The following TTYH2 variants were observed in gnomAD, a reference collection of about 807,000 sequenced individuals.
TTYH2 encodes the protein protein tweety homolog 2.
In TTYH2, 49 loss-of-function variants were observed where a neutral mutation model predicts 68.3. The observed-to-expected ratio is 0.72, with a 90% confidence interval of 0.57 to 0.91. TTYH2 has a LOEUF of 0.91. TTYH2 is among the 40% of genes least tolerant of loss of function. TTYH2 has a pLI of 0.00. For synonymous variants in TTYH2, 272 were observed against 300.8 expected (o/e 0.90, Z 0.99); for missense variants, 631 against 700.4 (o/e 0.90, Z 1.12).
chr17:74,230,994 G>A lies in TTYH2; in HGVS notation c.409G>A (p.Ala137Thr). 6.2e-7 allele frequency: 1 copy of A among 1,613,784 alleles called. No individual in the cohort carries two copies. Among genetic ancestry groups the A allele is most frequent in the Middle Eastern group, 1.7e-4 (1 of 5,978 alleles). Reference sequence around the variant, plus strand: ...CAACCACACCTTCTCTGGGATCGATGCTCTGGTAAGGCTCCCGGGCAGCTG... The same window carrying A: ...CAACCACACCTTCTCTGGGATCGATACTCTGGTAAGGCTCCCGGGCAGCTG... ...DANHTFSGID[A>T]LVSGTTQKMK... is the part of the protein sequence containing the mutation. The change falls in exon 3 of 14, where the codon GCT (alanine) becomes ACT (threonine). Residue 137 changes from alanine (A) to threonine (T), a missense_variant. By Grantham distance (58) the Ala-to-Thr change is moderately conservative. Transcript: ENST00000269346.
At chr17:74,254,305 C>T (rs4789643) in intron 13 of TTYH2, among the ~76,000 whole-genome samples, 63,162 of 151,758 alleles carry the variant, frequency 0.42, 13,810 homozygotes, top group African/African-American at 0.53. Context: ...GTAGGTGGGA[C>T]TACAGGTGCG....
chr17:74,243,285 T>C (rs939419165), intron 4 of TTYH2, 89 bp from the exon 5 acceptor site: 2 of 1,087,238 alleles, frequency 1.8e-6, no homozygotes, highest in Non-Finnish European at 2.8e-6. Context: ...GTCCAGTGTG[T>C]CCCAGGGCTG....
At chr17:74,238,541 G>A (rs887610261) in intron 4 of TTYH2, among the ~76,000 whole-genome samples, 2 of 152,090 alleles carry the variant, frequency 1.3e-5, no homozygotes, top group African/African-American at 4.8e-5. Flanking sequence ...TGGGACTACA[G>A]GCATACAACC....
At chr17:74,246,962 C>A (rs571839323) in intron 6 of TTYH2, among the ~76,000 whole-genome samples, 3 of 152,166 alleles carry the variant, frequency 2.0e-5, no homozygotes, top group Admixed American at 6.5e-5. Flanking sequence ...GCAGGGGGAT[C>A]ACCTGAGGTC....
Position 74,232,560 on chromosome 17 carries a change from G to A in TTYH2, c.414+1561G>A, listed in dbSNP as rs2050400878. Among the ~76,000 whole-genome samples the A allele has an allele frequency of 6.6e-6, 1 of 152,168 alleles. No homozygotes were observed. Among genetic ancestry groups the A allele is most frequent in the Non-Finnish European group, 1.5e-5 (1 of 68,016 alleles). ...GAGGCAGAGGTGTGGCCTGCCTGGG[G>A]AGAACTCTCCCTCTGGGCACCCACC... On this transcript the variant is annotated intron_variant, in intron 3 of 13. Coordinates refer to ENST00000269346, the MANE Select transcript of TTYH2 (RefSeq NM_032646.6). This position sits in a 1 kb window ranked among gnomAD's most constrained non-coding sequence, Gnocchi z 5.1.
At position 74,232,403 on chromosome 17, in the gene TTYH2, C is replaced by T. The variant is rs904007768; in HGVS notation, c.414+1404C>T. 1.1e-4 allele frequency among the ~76,000 whole-genome samples: 17 copies of T among 152,206 alleles called. No homozygotes were observed. Among genetic ancestry groups the T allele is most frequent in the African/African-American group, 3.6e-4 (15 of 41,464 alleles). Reference sequence around the variant, plus strand: ...CCTTTGCAGAGTTCATTCCACCGCCCGTGTCCACTGGGACCCATCCCCTTA... The same window carrying T: ...CCTTTGCAGAGTTCATTCCACCGCCTGTGTCCACTGGGACCCATCCCCTTA... On this transcript the variant is annotated intron_variant, in intron 3 of 13. Transcript: ENST00000269346. This position sits in a 1 kb window ranked among gnomAD's most constrained non-coding sequence, Gnocchi z 5.1.
rs767077574 is a variant in TTYH2 at position 74,230,895 on chromosome 17, G to A, written c.310G>A (p.Val104Met). The change falls in exon 3 of 14, where the codon GTG becomes ATG. Residue 104 changes from valine to methionine, a missense_variant. Physicochemically the swap from Val to Met is conservative, Grantham distance 21. Coordinates refer to ENST00000269346, the MANE Select transcript of TTYH2 (RefSeq NM_032646.6). ...VVAGLICCAA[V>M]GVGFYGNSET... ...TTGGGATCTTGCTTATAGTGCTGCG[G>A]TGGGCGTTGGTTTCTATGGAAACAG... is the stretch of plus-strand genomic sequence containing the variant. 1 of 1,614,112 alleles carries A rather than the reference G, an allele frequency of 6.2e-7. No homozygotes were observed. The highest frequency in any genetic ancestry group is 1.7e-5 in the Admixed American group (1 of 60,018).
In TTYH2 at chr17:74,232,529, G is replaced by A. The variant is rs932803654; in HGVS notation, c.414+1530G>A. 3.3e-5 allele frequency among the ~76,000 whole-genome samples: 5 copies of A among 152,320 alleles called. No homozygotes were observed. Among genetic ancestry groups the A allele is most frequent in the African/African-American group, 1.2e-4 (5 of 41,580 alleles). On this transcript the variant is annotated intron_variant, in intron 3 of 13. Coordinates refer to ENST00000269346, the MANE Select transcript of TTYH2 (RefSeq NM_032646.6). This position sits in a 1 kb window ranked among gnomAD's most constrained non-coding sequence, Gnocchi z 5.1. ...AGGAGCTGAGGGACAGCCAGCTCAGGCCTGGGAGGCAGAGGTGTGGCCTGC... is the reference window on the plus strand; with the variant it reads ...AGGAGCTGAGGGACAGCCAGCTCAGACCTGGGAGGCAGAGGTGTGGCCTGC...
rs2050652606 is a variant in TTYH2, at chr17:74,253,088, G to A, written c.1267G>A (p.Asp423Asn). The change falls in exon 12 of 14, where the codon GAC (aspartate) becomes AAC (asparagine). Residue 423 changes from aspartate to asparagine, a missense_variant. Transcript: ENST00000269346. The stretch of plus-strand genomic sequence containing the variant: ...TTCTACCCATTGTTCTAGAAACAGA[G>A]ACTACGATGACATTGATGATGATGA... ...AWKHFTTRNR[D>N]YDDIDDDDPF... 1.9e-6 allele frequency: 3 copies of A among 1,613,620 alleles called. No individual in the cohort carries two copies. Among genetic ancestry groups the A allele is most frequent in the Admixed American group, 1.7e-5 (1 of 59,886 alleles).
Position 74,249,968 on chromosome 17 carries a change from C to T in TTYH2, c.963C>T (p.Thr321=). 6.2e-7 allele frequency: 1 copy of T among 1,614,142 alleles called. No homozygotes were observed. The change falls in exon 9 of 14, where the codon ACC becomes ACT. Residue 321 remains threonine, a synonymous_variant. Coordinates refer to ENST00000269346, the MANE Select transcript of TTYH2 (RefSeq NM_032646.6). ...CCACCTTCCAGCGCGCACTTACCAC[C>T]ATGCAGATCCAGGTCGCGGGGCTGC... ...TLTTFQRALT[T]MQIQVAGLLQ... is the part of the protein sequence containing the mutation.
At chr17:74,230,303 C>A (rs1209078295) in intron 2 of TTYH2, among the ~76,000 whole-genome samples, 1 of 151,650 alleles carries the variant, frequency 6.6e-6, no homozygotes, top group Non-Finnish European at 1.5e-5. Context: ...CTACGTTGCG[C>A]AGGCTGGTCT....
At chr17:74,231,897 C>G (rs1222555574) in intron 3 of TTYH2, among the ~76,000 whole-genome samples, 2 of 152,082 alleles carry the variant, frequency 1.3e-5, no homozygotes, top group African/African-American at 4.8e-5. Context: ...CTGCCTGATA[C>G]ACACGAGCCT....
chr17:74,232,307 A>C lies in TTYH2; in HGVS notation c.414+1308A>C, dbSNP rs1056652508. ...CAGCTGTGCTGCTCCTCCGTGCCCA[A>C]GTCAATTGTGGGAGGAGGCCCTGGC... On this transcript the variant is annotated intron_variant, in intron 3 of 13. Transcript: ENST00000269346. This position sits in a 1 kb window ranked among gnomAD's most constrained non-coding sequence, Gnocchi z 5.1. 1.3e-5 allele frequency among the ~76,000 whole-genome samples: 2 copies of C among 152,086 alleles called. No homozygotes were observed. Among genetic ancestry groups the C allele is most frequent in the Non-Finnish European group, 1.5e-5 (1 of 68,014 alleles).
chr17:74,223,524 T>C (rs1025441592), intron 2 of TTYH2, among the ~76,000 whole-genome samples: 4 of 152,164 alleles, frequency 2.6e-5, no homozygotes, highest in East Asian at 3.8e-4. Flanking sequence ...TGAGCCACCA[T>C]GCTGGGCCTT....
rs1031171600 is a variant in TTYH2 at position 74,219,387 on chromosome 17, CAA to C, written c.130-3083_130-3082del. Among the ~76,000 whole-genome samples the C allele has an allele frequency of 1.4e-3, 126 of 88,332 alleles. 4 individuals are homozygous for C. Among genetic ancestry groups the C allele is most frequent in the African/African-American group, 4.0e-3 (67 of 16,940 alleles). The allele number at this position is 88,332 out of a possible 152,430, so 57.9% of individuals were successfully genotyped here. On this transcript the variant is annotated intron_variant, in intron 1 of 13. Coordinates refer to ENST00000269346, the MANE Select transcript of TTYH2 (RefSeq NM_032646.6). The stretch of plus-strand genomic sequence containing the variant: ...CTGGCGACAGAGCAAGACTCCGTGT[CAA>C]AAAAAAAAAAAAAAGAATAACTTAC...
rs980647625 is a variant in TTYH2 at position 74,261,824 on chromosome 17, C to T, written c.*1615C>T. On this transcript the variant is annotated 3_prime_UTR_variant, in exon 14 of 14. Coordinates refer to ENST00000269346, the MANE Select transcript of TTYH2 (RefSeq NM_032646.6). ...CCATAAACTCACTTTGGTATATCCG[C>T]GTCACATGCAGAGAGGAACTCTGCG... The T allele has an allele frequency of 6.6e-6, 1 of 152,280 alleles. No homozygotes were observed. The highest frequency in any genetic ancestry group is 2.4e-5 in the African/African-American group (1 of 41,442). The allele number at this position is 152,280 out of a possible 1,614,324, so 9.4% of individuals were successfully genotyped here. A position where few individuals can be genotyped will look rare whatever the true frequency, so the allele number is the denominator to read the frequency against.
chr17:74,255,956 G>T (rs368821878), intron 13 of TTYH2, among the ~76,000 whole-genome samples: 1 of 152,204 alleles, frequency 6.6e-6, no homozygotes, highest in African/African-American at 2.4e-5. Flanking sequence ...TGGGCCCTGA[G>T]GACCCAGGAA....
intron 4 of TTYH2, among the ~76,000 whole-genome samples, chr17:74,242,907 C>T (rs968494628): frequency 6.6e-6 from 1 of 152,118 alleles, no homozygotes; most frequent in Admixed American, 6.5e-5. Flanking sequence ...GCTGGGAGGC[C>T]GCAGAAAGAC....
Position 74,243,989 on chromosome 17 carries a change from TG to T in TTYH2, c.748del (p.Ala250HisfsTer2). ...KCLLASMLCCGALSLLLSWAS... is the reference protein window; with the variant it reads ...KCLLASMLCCXALSLLLSWAS... ...GCCTCTCTCCTAGGATGCTGTGCTG[TG>T]GGGCACTGAGCCTGCTCCTCAGTTG... On this transcript the variant is annotated frameshift_variant, in exon 6 of 14. Transcript: ENST00000269346. LOFTEE classifies it high-confidence loss of function. The T allele has an allele frequency of 1.2e-6, 2 of 1,612,142 alleles. No individual in the cohort carries two copies.
Sources: gnomAD v4.1 joint callset for allele counts (sites outside exome capture counted in the v4.1 genomes callset) on GRCh38, gnomAD v4.1.1 for gene constraint, Gnocchi (gnomAD v3.1) non-coding constraint, MANE v1.5 for transcripts, NCBI Gene and HGNC (gene_info 2026-07-23, HGNC 2026-07-21) for gene names.